ABCB7: variants seen among roughly 807,000 people sequenced by gnomAD.
The protein encoded by ABCB7 is iron-sulfur clusters transporter ABCB7, mitochondrial.
ABCB7 carries 7 observed loss-of-function variants against 54.4 expected under a neutral mutation model. The observed-to-expected ratio is 0.13, with a 90% CI of 0.07 to 0.24. ABCB7 has a LOEUF of 0.24. Ranked by LOEUF, ABCB7 falls within the 10% of genes least tolerant of loss-of-function variation. The probability of loss-of-function intolerance (pLI) is 1.00; values close to 1 mark genes in which losing one functional copy is unlikely to be tolerated. For synonymous variants in ABCB7, 218 were observed against 207.1 expected (o/e 1.05, Z -0.45); for missense variants, 356 against 570.4 (o/e 0.62, Z 3.83).
intron 1 of ABCB7, among the ~76,000 whole-genome samples, chrX:75,149,084 G>A (rs2082113174): frequency 9.0e-6 from 1 of 111,469 alleles, no homozygotes; most frequent in Non-Finnish European, 1.9e-5. Context: ...AAAAGCAGAA[G>A]TTTAAAAGTT....
chrX:75,141,588 T>C (rs1385401291), intron 1 of ABCB7, among the ~76,000 whole-genome samples: 3 of 111,816 alleles, frequency 2.7e-5, no homozygotes, highest in Non-Finnish European at 1.9e-5. Context: ...CAGTGTCAGA[T>C]ACAAAAGCTG....
chrX:75,098,466 A>C (rs969581607), intron 4 of ABCB7, among the ~76,000 whole-genome samples: 3 of 111,445 alleles, frequency 2.7e-5, no homozygotes, highest in African/African-American at 9.8e-5. Flanking sequence ...GAACGTACCA[A>C]AACAGTCAGG....
chrX:75,109,638 G>T (rs887440533), intron 3 of ABCB7, among the ~76,000 whole-genome samples: 11 of 111,510 alleles, frequency 9.9e-5, no homozygotes, highest in Non-Finnish European at 2.1e-4. Context: ...GATTTTGAAA[G>T]AAACTACTTG....
intron 4 of ABCB7, among the ~76,000 whole-genome samples, chrX:75,078,314 A>G (rs2081427695): frequency 9.1e-6 from 1 of 110,345 alleles, no homozygotes; most frequent in Non-Finnish European, 1.9e-5. Context: ...GGCACTCTCC[A>G]TTTTCTATCT....
chrX:75,071,579 A>G lies in ABCB7; in HGVS notation c.1137T>C (p.Phe379=), dbSNP rs1214907096. The G allele has an allele frequency of 1.6e-5, 19 of 1,209,052 alleles. No individual in the cohort carries two copies. The highest frequency in any genetic ancestry group is 2.1e-5 in the Non-Finnish European group (19 of 894,523). The change falls in exon 9 of 16, where the codon TTT becomes TTC. Residue 379 remains phenylalanine (F), a synonymous_variant. Transcript: ENST00000373394. ...KSTSTLAMLN[F]GQSAIFSVGL... is the part of the protein sequence containing the mutation. Reference sequence around the variant, plus strand: ...CGACACTGAAAATAGCACTTTGACCAAAGTTCAGCATAGCCAGAGTAGAGG... The same window carrying G: ...CGACACTGAAAATAGCACTTTGACCGAAGTTCAGCATAGCCAGAGTAGAGG...
At chrX:75,070,208 C>A (rs939639156) in intron 10 of ABCB7, among the ~76,000 whole-genome samples, 157 bp downstream of exon 10, 1 of 111,320 alleles carries the variant, frequency 9.0e-6, no homozygotes, top group Non-Finnish European at 1.9e-5. Context: ...GCTCTAACAA[C>A]CTCTTAATAC....
chrX:75,155,101 T>C lies in ABCB7; in HGVS notation c.168+1004A>G, dbSNP rs186293842. 2.8e-3 allele frequency among the ~76,000 whole-genome samples: 312 copies of C among 112,919 alleles called. 1 individual carries two copies. Among genetic ancestry groups the C allele is most frequent in the African/African-American group, 9.4e-3 (293 of 31,155 alleles). Reference sequence around the variant, plus strand: ...ATTTGCTAATTAACCCACCACTGTGTTTTTCAGTTATTTTTGTAATGCATA... The same window carrying C: ...ATTTGCTAATTAACCCACCACTGTGCTTTTCAGTTATTTTTGTAATGCATA... On this transcript the variant is annotated intron_variant, in intron 1 of 15. Coordinates refer to ENST00000373394, the MANE Select transcript of ABCB7 (RefSeq NM_001271696.3).
At chrX:75,081,420 A>G (rs1272147610) in intron 4 of ABCB7, among the ~76,000 whole-genome samples, 1 of 111,836 alleles carries the variant, frequency 8.9e-6, no homozygotes, top group Non-Finnish European at 1.9e-5. Context: ...ACATATAAAA[A>G]CTCAAGGGAT....
chrX:75,077,916 CTTTT>C (rs779192815), intron 4 of ABCB7, among the ~76,000 whole-genome samples: 1 of 96,467 alleles, frequency 1.0e-5, no homozygotes. Context: ...TTCTTCTTTG[CTTTT>C]TTTTTTTTTT....
intron 1 of ABCB7, among the ~76,000 whole-genome samples, chrX:75,148,122 A>G (rs1357923710): frequency 1.8e-5 from 2 of 110,578 alleles, no homozygotes; most frequent in African/African-American, 6.7e-5. Flanking sequence ...TCGCAAAAAA[A>G]TAAAAAATAA....
chrX:75,075,037 G>C (rs1279390161), intron 6 of ABCB7, among the ~76,000 whole-genome samples: 2 of 111,454 alleles, frequency 1.8e-5, no homozygotes, highest in Non-Finnish European at 3.8e-5. Context: ...AAAATGTTAT[G>C]AATGGTGATG....
intron 4 of ABCB7, among the ~76,000 whole-genome samples, chrX:75,091,105 T>A (rs4892541): frequency 0.016 from 1,770 of 111,138 alleles, 111 homozygotes; most frequent in Admixed American, 0.14. Context: ...TACTTCCTCA[T>A]TCCATGAAAA....
At chrX:75,129,532 A>G (rs1224285379) in intron 1 of ABCB7, among the ~76,000 whole-genome samples, 1 of 108,692 alleles carries the variant, frequency 9.2e-6, no homozygotes, top group Non-Finnish European at 1.9e-5. Flanking sequence ...TCACCATGGC[A>G]CATGTATACC....
intron 1 of ABCB7, among the ~76,000 whole-genome samples, chrX:75,129,876 C>A (rs902348355): frequency 2.2e-4 from 24 of 111,308 alleles, no homozygotes; most frequent in African/African-American, 6.2e-4. Flanking sequence ...ACTCACTGAG[C>A]ACTTATTATT....
intron 3 of ABCB7, among the ~76,000 whole-genome samples, chrX:75,104,784 C>G (rs1464427057): frequency 9.0e-6 from 1 of 111,430 alleles, no homozygotes; most frequent in African/African-American, 3.2e-5. Flanking sequence ...CTGATGAACA[C>G]AGATGTAAAA....
At chrX:75,142,303 T>C (rs1184086982) in intron 1 of ABCB7, among the ~76,000 whole-genome samples, 3 of 112,239 alleles carry the variant, frequency 2.7e-5, no homozygotes, top group African/African-American at 9.7e-5. Flanking sequence ...GTAAATGCTA[T>C]ATAAATAGTT....
chrX:75,071,444 C>A, intron 9 of ABCB7, 65 bp downstream of exon 9: 1 of 1,134,874 alleles, frequency 8.8e-7, no homozygotes, highest in Non-Finnish European at 1.2e-6. Context: ...ATGCACATTC[C>A]TTTCATTAAT....
chrX:75,137,055 C>T (rs2082015101), intron 1 of ABCB7, among the ~76,000 whole-genome samples: 1 of 112,068 alleles, frequency 8.9e-6, no homozygotes, highest in African/African-American at 3.2e-5. Flanking sequence ...CACTAAAGAG[C>T]TGCTGTACAG....
At chrX:75,149,052 T>C (rs1372955843) in intron 1 of ABCB7, among the ~76,000 whole-genome samples, 1 of 111,551 alleles carries the variant, frequency 9.0e-6, no homozygotes, top group Non-Finnish European at 1.9e-5. Flanking sequence ...AGCTTCACCT[T>C]GTCTTTTTCT....
Sources: allele counts gnomAD v4.1 joint callset (sites outside exome capture counted in the v4.1 genomes callset), GRCh38; gene constraint gnomAD v4.1.1; transcripts MANE v1.5; gene names NCBI Gene and HGNC (gene_info 2026-07-23, HGNC 2026-07-21).